The following CFH variants were observed in gnomAD, a reference collection of about 807,000 sequenced individuals.
CFH encodes H factor 1 (complement).
Under a neutral mutation model 147.3 loss-of-function variants are expected in CFH, and 53 were observed. The ratio of observed to expected loss-of-function variants is 0.36; its 90% CI spans 0.29 to 0.45. The LOEUF is 0.45. CFH is among the 20% of genes least tolerant of loss of function. The pLI is 1.00. For synonymous variants in CFH, 536 were observed against 489.4 expected, an observed-to-expected ratio of 1.10 and a Z score of -1.26; for missense variants, 1,380 against 1,498.0, an observed-to-expected ratio of 0.92 and a Z score of 1.30.
chr1:196,681,585 T>C (rs535325583), intron 6 of CFH, among the ~76,000 whole-genome samples: 1 of 151,776 alleles, frequency 6.6e-6, no homozygotes, highest in African/African-American at 2.4e-5. Flanking sequence ...ACCTGAATAT[T>C]CAATACTATG....
chr1:196,730,633 A>G (rs1262420482), intron 15 of CFH, among the ~76,000 whole-genome samples: 1 of 151,758 alleles, frequency 6.6e-6, no homozygotes, highest in Admixed American at 6.6e-5. Flanking sequence ...TTCCTTATTG[A>G]TATTCTGTCT....
intron 14 of CFH, 57 bp from the exon 15 acceptor site, chr1:196,728,288 TA>T: frequency 9.0e-7 from 1 of 1,115,374 alleles, no homozygotes; most frequent in Non-Finnish European, 1.3e-6. Context: ...TATTTTTATG[TA>T]ATAGTTGGTT....
At chr1:196,671,492 T>C (rs1190877780) in intron 1 of CFH, among the ~76,000 whole-genome samples, 5 of 151,672 alleles carry the variant, frequency 3.3e-5, no homozygotes, top group African/African-American at 1.2e-4. Flanking sequence ...TTAGTTTGAG[T>C]CAGTCCCATT....
rs1667441202 is a variant in CFH at position 196,676,028 on chromosome 1, C to T, written c.390C>T (p.Asp130=). 6.2e-7 allele frequency: 1 copy of T among 1,610,270 alleles called. No individual in the cohort carries two copies. The highest frequency in any genetic ancestry group is 1.3e-5 in the African/African-American group (1 of 74,788). The change falls in exon 4 of 22, where the codon GAC becomes GAT. Residue 130 remains aspartate, a synonymous_variant. Transcript: ENST00000367429. ...LLGEINYREC[D]TDGWTNDIPI... is the part of the protein sequence containing the mutation. ...GTGAGATTAATTACCGTGAATGTGA[C>T]ACAGATGGATGGACCAATGATATTC...
intron 1 of CFH, among the ~76,000 whole-genome samples, chr1:196,656,918 T>G (rs1201231780): frequency 1.3e-5 from 2 of 152,180 alleles, no homozygotes; most frequent in African/African-American, 4.8e-5. Flanking sequence ...TATTCTCCTA[T>G]CTGCTTTTTA....
intron 9 of CFH, among the ~76,000 whole-genome samples, chr1:196,707,918 A>T (rs1336404285): frequency 6.6e-6 from 1 of 152,168 alleles, no homozygotes; most frequent in East Asian, 1.9e-4. Flanking sequence ...CTTAAGCCAT[A>T]TATTTACTTG....
At chr1:196,746,049 G>A (rs1420710640) in intron 21 of CFH, 50 bp downstream of exon 21, 2 of 1,612,960 alleles carry the variant, frequency 1.2e-6, no homozygotes, top group Non-Finnish European at 1.7e-6. Flanking sequence ...TGATGAGTCT[G>A]ATATTTCACT....
chr1:196,707,516 G>T (rs1668619776), intron 9 of CFH, among the ~76,000 whole-genome samples: 1 of 152,126 alleles, frequency 6.6e-6, no homozygotes, highest in Admixed American at 6.6e-5. Flanking sequence ...TCGACATCCT[G>T]GGGACCACTT....
chr1:196,730,387 C>T (rs1449748076), intron 15 of CFH, among the ~76,000 whole-genome samples: 1 of 151,806 alleles, frequency 6.6e-6, no homozygotes, highest in East Asian at 1.9e-4. Context: ...TTAAAATTTT[C>T]CATAGTTCCT....
At chr1:196,664,178 C>G (rs1316003954) in intron 1 of CFH, among the ~76,000 whole-genome samples, 1 of 152,078 alleles carries the variant, frequency 6.6e-6, no homozygotes, top group East Asian at 1.9e-4. Context: ...GTCCCAGCCT[C>G]TCACATAGCT....
At chr1:196,667,374 A>G (rs1335813096) in intron 1 of CFH, among the ~76,000 whole-genome samples, 2 of 152,182 alleles carry the variant, frequency 1.3e-5, no homozygotes, top group Non-Finnish European at 2.9e-5. Context: ...TCCAGCAAAC[A>G]TTGTTCAGAC....
intron 9 of CFH, among the ~76,000 whole-genome samples, chr1:196,708,122 AT>A (rs1162165526): frequency 6.6e-6 from 1 of 152,170 alleles, no homozygotes; most frequent in Non-Finnish European, 1.5e-5. Flanking sequence ...ACTTCTAATT[AT>A]ACCTCTCCTG....
Position 196,677,461 on chromosome 1 carries a change from A to G in CFH, c.428-15A>G, listed in dbSNP as rs1667493950. The G allele has an allele frequency of 1.9e-6, 3 of 1,608,782 alleles. No homozygotes were observed. Among genetic ancestry groups the G allele is most frequent in the African/African-American group, 1.3e-5 (1 of 74,900 alleles). The stretch of plus-strand genomic sequence containing the variant: ...TTAAAATTCCATTAGAAAACATTAC[A>G]TGTATTTTCTTCAGTTGTGAAGTGT... On this transcript the variant is annotated splice_polypyrimidine_tract_variant and intron_variant, in intron 4 of 21. Transcript: ENST00000367429.
At chr1:196,742,789 A>G (rs1313541116) in intron 19 of CFH, among the ~76,000 whole-genome samples, 1 of 152,206 alleles carries the variant, frequency 6.6e-6, no homozygotes, top group Non-Finnish European at 1.5e-5. Context: ...ATGGATATGA[A>G]ACTCTCTGAT....
intron 7 of CFH, 44 bp from the exon 8 acceptor site, chr1:196,689,376 A>G (rs755264551): frequency 6.6e-6 from 10 of 1,516,502 alleles, no homozygotes; most frequent in Admixed American, 1.7e-5. Context: ...AGTGTTTATT[A>G]CAGTAAAATT....
At chr1:196,736,007 T>A (rs908329774) in intron 15 of CFH, among the ~76,000 whole-genome samples, 1 of 151,976 alleles carries the variant, frequency 6.6e-6, no homozygotes, top group Non-Finnish European at 1.5e-5. Flanking sequence ...AATCAAGGGA[T>A]TATAGAATGC....
At chr1:196,721,951 G>T (rs542608814) in intron 11 of CFH, among the ~76,000 whole-genome samples, 46 of 151,826 alleles carry the variant, frequency 3.0e-4, no homozygotes, top group African/African-American at 1.1e-3. Context: ...AGTTAGGTGG[G>T]TTTCTTTTGA....
chr1:196,734,817 A>T (rs796526428), intron 15 of CFH, among the ~76,000 whole-genome samples: 13 of 151,658 alleles, frequency 8.6e-5, no homozygotes, highest in African/African-American at 2.9e-4. Context: ...ATGCCTTTAA[A>T]TTTTCTCCAT....
chr1:196,718,674 C>T (rs1170041636), intron 11 of CFH, among the ~76,000 whole-genome samples: 2 of 151,910 alleles, frequency 1.3e-5, no homozygotes, highest in African/African-American at 4.8e-5. Context: ...GAGGGGTCTT[C>T]TTCAAAAAAG....
Sources: allele counts gnomAD v4.1 joint callset (sites outside exome capture counted in the v4.1 genomes callset), GRCh38; gene constraint gnomAD v4.1.1; transcripts MANE v1.5; gene names NCBI Gene and HGNC (gene_info 2026-07-23, HGNC 2026-07-21).